PDE1C: variants seen among roughly 807,000 people sequenced by gnomAD.
PDE1C encodes phosphodiesterase 1C, also known as dual specificity calcium/calmodulin-dependent 3',5'-cyclic nucleotide phosphodiesterase 1C.
PDE1C carries 62 observed loss-of-function variants against 93.1 expected under a neutral mutation model. The ratio of observed to expected loss-of-function variants is 0.67; its 90% confidence interval spans 0.54 to 0.82. PDE1C has a LOEUF of 0.82. PDE1C is among the 40% of genes least tolerant of loss of function. The pLI is 0.00. For missense variants in PDE1C, 742 were observed against 884.6 expected, an observed-to-expected ratio of 0.84 and a Z score of 2.04; for synonymous variants, 325 against 310.1, an observed-to-expected ratio of 1.05 and a Z score of -0.50.
At chr7:31,651,148 G>A in the PDE1C span, 98 of 1,613,134 alleles carry the variant, frequency 6.1e-5, 1 homozygote, top group South Asian at 1.0e-3. Context: ...TCAGTGCACA[G>A]TCCATGAGAT....
chr7:31,746,832 A>G (rs1397550836), downstream of PDE1C, among the ~76,000 whole-genome samples: 1 of 152,164 alleles, frequency 6.6e-6, no homozygotes, highest in African/African-American at 2.4e-5. Flanking sequence ...GACAGGGAAA[A>G]AAAGCCACAA....
At chr7:31,710,069 A>T in the PDE1C span, among the ~76,000 whole-genome samples, 1 of 152,142 alleles carries the variant, frequency 6.6e-6, no homozygotes, top group Non-Finnish European at 1.5e-5. Flanking sequence ...GGATTTCATG[A>T]GCCCAGGAGG....
intron 1 of PDE1C, among the ~76,000 whole-genome samples, chr7:32,279,258 T>C (rs1347446225): frequency 1.3e-5 from 2 of 152,164 alleles, no homozygotes; most frequent in African/African-American, 2.4e-5. Flanking sequence ...TAAAAATAAC[T>C]ACCACTAGAA....
intron 2 of PDE1C, among the ~76,000 whole-genome samples, chr7:32,202,736 T>C (rs1805103163): frequency 6.6e-6 from 1 of 152,064 alleles, no homozygotes; most frequent in Non-Finnish European, 1.5e-5. Flanking sequence ...CTGGGGGAGC[T>C]TCGAGAGGAT....
At chr7:31,912,567 G>A (rs1583927889) in intron 2 of PDE1C, among the ~76,000 whole-genome samples, 1 of 152,184 alleles carries the variant, frequency 6.6e-6, no homozygotes, top group East Asian at 1.9e-4. Context: ...CACAGCTGTA[G>A]TCCTAACTAC....
At chr7:31,658,358 A>T in the PDE1C span, 1 of 1,519,972 alleles carries the variant, frequency 6.6e-7, no homozygotes, top group Non-Finnish European at 8.8e-7. Flanking sequence ...AAATCAAAAG[A>T]CTTTCTGAAG....
intron 6 of PDE1C, among the ~76,000 whole-genome samples, chr7:31,866,800 A>C (rs1469526305): frequency 6.6e-6 from 1 of 152,088 alleles, no homozygotes; most frequent in East Asian, 1.9e-4. Context: ...CTCCAGCGAA[A>C]AGAAAGGTAA....
chr7:32,380,195 AATT>A (rs1784507032), intron 1 of PDE1C, among the ~76,000 whole-genome samples: 1 of 151,736 alleles, frequency 6.6e-6, no homozygotes, highest in South Asian at 2.1e-4. Context: ...AAATGTCTAC[AATT>A]ATTGTCCTCC....
chr7:32,035,290 TCTC>T (rs996526114), intron 2 of PDE1C, among the ~76,000 whole-genome samples: 1 of 151,844 alleles, frequency 6.6e-6, no homozygotes, highest in African/African-American at 2.4e-5. Context: ...ACAATAAACT[TCTC>T]CTCCACACAG....
At chr7:32,072,097 A>G (rs965671380), upstream of PDE1C, among the ~76,000 whole-genome samples, 9 of 152,260 alleles carry the variant, frequency 5.9e-5, no homozygotes, top group African/African-American at 2.2e-4. Context: ...CCTGACCTTA[A>G]CAAAGGAATA....
At chr7:31,743,267 TGA>T in the PDE1C span, among the ~76,000 whole-genome samples, 1 of 152,196 alleles carries the variant, frequency 6.6e-6, no homozygotes, top group Non-Finnish European at 1.5e-5. Flanking sequence ...TTGCTTATCC[TGA>T]GAGTCTCATC....
chr7:31,927,177 A>G (rs1427096316), intron 2 of PDE1C, among the ~76,000 whole-genome samples: 1 of 149,874 alleles, frequency 6.7e-6, no homozygotes. Context: ...AACCCCTCAC[A>G]GTGTTAACTC....
chr7:32,269,342 A>C (rs1810810818), intron 1 of PDE1C, among the ~76,000 whole-genome samples: 1 of 152,250 alleles, frequency 6.6e-6, no homozygotes, highest in African/African-American at 2.4e-5. Flanking sequence ...CCTTGGCTAA[A>C]ATAACCAGTA....
At chr7:32,165,892 GAAC>G (rs1159591470) in intron 3 of PDE1C, among the ~76,000 whole-genome samples, 1 of 152,096 alleles carries the variant, frequency 6.6e-6, no homozygotes, top group African/African-American at 2.4e-5. Context: ...GCTTGTTAGA[GAAC>G]AACATCCTTG....
intron 1 of PDE1C, among the ~76,000 whole-genome samples, chr7:32,057,439 A>AC (rs1794270401): frequency 6.6e-6 from 1 of 151,914 alleles, no homozygotes; most frequent in African/African-American, 2.4e-5. Flanking sequence ...GAACCCCAAA[A>AC]CCCCCCTCAA....
chr7:32,266,925 T>C (rs999072069), intron 1 of PDE1C, among the ~76,000 whole-genome samples: 1 of 150,782 alleles, frequency 6.6e-6, no homozygotes, highest in African/African-American at 2.4e-5. Flanking sequence ...GGGGGTGCGC[T>C]GGAGAGGCTG....
intron 1 of PDE1C, among the ~76,000 whole-genome samples, chr7:32,401,556 A>G (rs1199381293): frequency 6.6e-6 from 1 of 151,946 alleles, no homozygotes; most frequent in Non-Finnish European, 1.5e-5. Flanking sequence ...AAAGAAAGAA[A>G]GAAAGAAAAA....
At chr7:31,953,684 G>T (rs1584160513) in intron 2 of PDE1C, among the ~76,000 whole-genome samples, 1 of 152,282 alleles carries the variant, frequency 6.6e-6, no homozygotes, top group East Asian at 1.9e-4. Context: ...AATTGCAGTA[G>T]AAGCTGTCTC....
intron 16 of PDE1C, chr7:31,784,914 CTG>C (rs1783764422): frequency 6.6e-6 from 1 of 152,056 alleles, no homozygotes; most frequent in African/African-American, 2.4e-5. Context: ...TAATATGTGA[CTG>C]TATTTCTGTA....
Sources: allele counts gnomAD v4.1 joint callset (sites outside exome capture counted in the v4.1 genomes callset), GRCh38; gene constraint gnomAD v4.1.1; transcripts MANE v1.5; gene names NCBI Gene and HGNC (gene_info 2026-07-23, HGNC 2026-07-21).